The following BRINP3 variants were observed in gnomAD, a reference collection of about 807,000 sequenced individuals.
BRINP3 encodes BMP/retinoic acid-inducible neural-specific protein 3.
A neutral mutation model predicts 71.0 loss-of-function variants in BRINP3; 19 were observed. The observed-to-expected ratio is 0.27, with a 90% CI of 0.19 to 0.39. The LOEUF (loss-of-function observed/expected upper bound fraction) is 0.39, where lower values mean the gene tolerates loss of function less well. Ranked by LOEUF, BRINP3 falls within the 10% of genes least tolerant of loss-of-function variation. The probability of loss-of-function intolerance (pLI) is 1.00; values close to 1 mark genes in which losing one functional copy is unlikely to be tolerated. For missense variants in BRINP3, 959 were observed against 940.8 expected (o/e 1.02, Z -0.25); for synonymous variants, 380 against 337.7 (o/e 1.13, Z -1.37).
At chr1:190,314,929 G>A (rs994369621) in intron 2 of BRINP3, among the ~76,000 whole-genome samples, 1 of 152,090 alleles carries the variant, frequency 6.6e-6, no homozygotes, top group Non-Finnish European at 1.5e-5. Flanking sequence ...TCCTATAGGG[G>A]CTTGTTATTC....
chr1:190,104,769 G>C (rs1652000756), intron 7 of BRINP3, among the ~76,000 whole-genome samples: 1 of 151,892 alleles, frequency 6.6e-6, no homozygotes, highest in Non-Finnish European at 1.5e-5. Flanking sequence ...AACATATGTT[G>C]ATAGAAAAAC....
intron 2 of BRINP3, among the ~76,000 whole-genome samples, chr1:190,417,603 A>G (rs1216832244): frequency 6.6e-6 from 1 of 152,178 alleles, no homozygotes; most frequent in African/African-American, 2.4e-5. Context: ...ATACAAACAT[A>G]CTTGGCACTT....
chr1:190,271,206 A>G lies in BRINP3; in HGVS notation c.428-6151T>C, dbSNP rs77204533. ...GAAGGCATTCTTTCACTGGTTTATG[A>G]GGTCCTGGAAGACAGAAATGTATAA... On this transcript the variant is annotated intron_variant, in intron 3 of 7. Coordinates refer to ENST00000367462, the MANE Select transcript of BRINP3 (RefSeq NM_199051.3). Among the ~76,000 whole-genome samples the G allele has an allele frequency of 2.6e-4, 39 of 151,766 alleles. No homozygotes were observed. The East Asian group carries it at 5.6e-3, about 22-fold the overall frequency.
chr1:190,133,646 A>C (rs1171331631), intron 7 of BRINP3, among the ~76,000 whole-genome samples: 2 of 152,138 alleles, frequency 1.3e-5, no homozygotes, highest in Non-Finnish European at 2.9e-5. Flanking sequence ...AACATACTTA[A>C]TGTAAAAATG....
intron 4 of BRINP3, among the ~76,000 whole-genome samples, chr1:190,263,278 G>C (rs1382850576): frequency 1.3e-5 from 2 of 152,052 alleles, no homozygotes; most frequent in Non-Finnish European, 2.9e-5. Flanking sequence ...CTGCATTCAT[G>C]CTGGCTACAT....
At chr1:190,122,559 C>A (rs1467404716) in intron 7 of BRINP3, among the ~76,000 whole-genome samples, 1 of 113,566 alleles carries the variant, frequency 8.8e-6, no homozygotes, top group Non-Finnish European at 1.7e-5. Context: ...CTCCCTAGAA[C>A]CTTCAGAGGG....
At chr1:190,185,104 T>C (rs571960223) in intron 6 of BRINP3, among the ~76,000 whole-genome samples, 1 of 152,216 alleles carries the variant, frequency 6.6e-6, no homozygotes, top group Non-Finnish European at 1.5e-5. Context: ...AATGAACATG[T>C]AGGACTGCAT....
At chr1:190,283,766 T>A (rs1663217409) in intron 2 of BRINP3, among the ~76,000 whole-genome samples, 1 of 151,314 alleles carries the variant, frequency 6.6e-6, no homozygotes, top group Admixed American at 6.6e-5. Context: ...ATACAAAACT[T>A]CTAAGAAGTT....
Position 190,298,129 on chromosome 1 carries a change from C to T in BRINP3, c.237-16379G>A, listed in dbSNP as rs574097480. 5.3e-4 allele frequency among the ~76,000 whole-genome samples: 81 copies of T among 152,076 alleles called. 1 individual carries two copies. The South Asian group carries it at 0.016, about 30-fold the overall frequency. ...CAAATATAAGTGTATAGAGTTTTCACGGTATTCCTAAGTATCCTCTTAATT... is the reference window on the plus strand; with the variant it reads ...CAAATATAAGTGTATAGAGTTTTCATGGTATTCCTAAGTATCCTCTTAATT... On this transcript the variant is annotated intron_variant, in intron 2 of 7. Transcript: ENST00000367462.
In BRINP3 at chr1:190,110,163, G is replaced by T. The variant is rs571948840; in HGVS notation, c.1185-11029C>A. On this transcript the variant is annotated intron_variant, in intron 7 of 7. Coordinates refer to ENST00000367462, the MANE Select transcript of BRINP3 (RefSeq NM_199051.3). ...TACTTAGCCTTTGCAACCAATACGT[G>T]TGGTGAATGCTTTAATAGTCTCCAG... Among the ~76,000 whole-genome samples the T allele has an allele frequency of 2.6e-5, 4 of 152,246 alleles. No homozygotes were observed. In the East Asian group the frequency reaches 5.8e-4, roughly 22 times the overall value.
chr1:190,444,098 T>C (rs1158688281), intron 2 of BRINP3, among the ~76,000 whole-genome samples: 1 of 152,012 alleles, frequency 6.6e-6, no homozygotes, highest in Non-Finnish European at 1.5e-5. Flanking sequence ...TGGGGGGTGG[T>C]GGCCCATGCC....
intron 2 of BRINP3, among the ~76,000 whole-genome samples, chr1:190,433,389 C>T (rs1375470398): frequency 6.6e-6 from 1 of 152,164 alleles, no homozygotes; most frequent in Non-Finnish European, 1.5e-5. Context: ...TTCTTATTAA[C>T]CTCATCTAAG....
At chr1:190,444,787 G>GC (rs1017236196) in intron 2 of BRINP3, among the ~76,000 whole-genome samples, 7 of 152,042 alleles carry the variant, frequency 4.6e-5, no homozygotes, top group Non-Finnish European at 7.4e-5. Flanking sequence ...GTCTGCCTTG[G>GC]CCCCCCCAAG....
At chr1:190,456,360 G>T (rs1033595193) in intron 1 of BRINP3, among the ~76,000 whole-genome samples, 1 of 152,116 alleles carries the variant, frequency 6.6e-6, no homozygotes, top group African/African-American at 2.4e-5. Flanking sequence ...GCTCACTGAG[G>T]GGATTAAAGC....
intron 7 of BRINP3, among the ~76,000 whole-genome samples, chr1:190,102,841 G>A (rs774666559): frequency 5.3e-5 from 8 of 151,896 alleles, no homozygotes; most frequent in Non-Finnish European, 7.4e-5. Context: ...AAATCTTTTA[G>A]GTGAAAGAAT....
intron 7 of BRINP3, among the ~76,000 whole-genome samples, chr1:190,123,806 G>A (rs1331261694): frequency 6.6e-6 from 1 of 152,102 alleles, no homozygotes; most frequent in Non-Finnish European, 1.5e-5. Context: ...GCTGAAATCT[G>A]TATTTTGCTG....
intron 6 of BRINP3, among the ~76,000 whole-genome samples, chr1:190,225,635 A>G (rs977354268): frequency 6.6e-6 from 1 of 152,076 alleles, no homozygotes. Flanking sequence ...AAACACTATA[A>G]AATTAAAATT....
chr1:190,354,360 C>G (rs1467969488), intron 2 of BRINP3, among the ~76,000 whole-genome samples: 1 of 151,798 alleles, frequency 6.6e-6, no homozygotes, highest in African/African-American at 2.4e-5. Context: ...AGCCCCACTA[C>G]AAAGAATTAT....
chr1:190,454,642 C>G lies in BRINP3; in HGVS notation c.236+13G>C. On this transcript the variant is annotated intron_variant, in intron 2 of 7. Coordinates refer to ENST00000367462, the MANE Select transcript of BRINP3 (RefSeq NM_199051.3). ...GATGATATTTCTGTAATTGCTTTCCCTTTGCTTCATACCTGTATATCTTGT... is the reference window on the plus strand; with the variant it reads ...GATGATATTTCTGTAATTGCTTTCCGTTTGCTTCATACCTGTATATCTTGT... 6.2e-7 allele frequency: 1 copy of G among 1,604,780 alleles called. No individual in the cohort carries two copies. The highest frequency in any genetic ancestry group is 8.5e-7 in the Non-Finnish European group (1 of 1,172,628).
Sources: allele counts gnomAD v4.1 joint callset (sites outside exome capture counted in the v4.1 genomes callset), GRCh38; gene constraint gnomAD v4.1.1; transcripts MANE v1.5; gene names NCBI Gene and HGNC (gene_info 2026-07-23, HGNC 2026-07-21).